The following ENTPD7 variants were observed in gnomAD, a reference collection of about 807,000 sequenced individuals.
The protein encoded by ENTPD7 is ectonucleoside triphosphate diphosphohydrolase 7.
Under a neutral mutation model 77.9 loss-of-function variants are expected in ENTPD7, and 53 were observed. That is an observed-to-expected ratio of 0.68 (90% CI 0.55 to 0.85). The LOEUF is 0.85. Among genes scored for constraint, ENTPD7 ranks in the 40% least tolerant of loss-of-function variants. ENTPD7 has a pLI of 0.00. For synonymous variants in ENTPD7, 248 were observed against 274.9 expected (o/e 0.90, Z 0.97); for missense variants, 636 against 743.7 (o/e 0.86, Z 1.68).
At chr10:99,672,869 T>C (rs1440521715) in intron 3 of ENTPD7, among the ~76,000 whole-genome samples, 2 of 152,214 alleles carry the variant, frequency 1.3e-5, no homozygotes, top group Non-Finnish European at 2.9e-5. Context: ...AATTGACTTT[T>C]GGCCCATCAC....
Position 99,708,442 on chromosome 10 carries a change from ATTCTAG to A in ENTPD7, c.*3764_*3769del, listed in dbSNP as rs2036293969. Among the ~76,000 whole-genome samples, 1 of 152,190 alleles carries A rather than the reference ATTCTAG, an allele frequency of 6.6e-6. No individual in the cohort carries two copies. The highest frequency in any genetic ancestry group is 1.5e-5 in the Non-Finnish European group (1 of 68,036). On this transcript the variant is annotated 3_prime_UTR_variant, in exon 13 of 13. Coordinates refer to ENST00000370489, the MANE Select transcript of ENTPD7 (RefSeq NM_020354.5). ...TAGGCTTAACGAATAGCAGACCTGGATTCTAGTTCTGGCTTTGTCATTTACTAGCTC... is the reference window on the plus strand; with the variant it reads ...TAGGCTTAACGAATAGCAGACCTGGATTCTGGCTTTGTCATTTACTAGCTC...
rs973279088 is a variant in ENTPD7, at chr10:99,702,237, A to G, written c.1422-275A>G. ...TTTTGAAGCTAATCCCAAACATCCT[A>G]TAATTACATTTGTAGATATTTTAAT... On this transcript the variant is annotated intron_variant, in intron 11 of 12. Transcript: ENST00000370489. 2.6e-5 allele frequency among the ~76,000 whole-genome samples: 4 copies of G among 152,130 alleles called. No individual in the cohort carries two copies. In the South Asian group the frequency reaches 8.3e-4, roughly 32 times the overall value.
intron 2 of ENTPD7, 84 bp from the exon 3 acceptor site, chr10:99,661,362 G>A: frequency 8.0e-7 from 1 of 1,247,352 alleles, no homozygotes; most frequent in African/African-American, 1.5e-5. Flanking sequence ...CCTTTATTAG[G>A]AGGGTTTTAT....
chr10:99,679,240 T>A (rs2035721306), intron 3 of ENTPD7, 21 bp from the exon 4 acceptor site: 1 of 1,613,344 alleles, frequency 6.2e-7, no homozygotes, highest in East Asian at 2.2e-5. Flanking sequence ...TAGCACTGAT[T>A]TCTCTTTTTG....
At chr10:99,667,771 C>A (rs1415429335) in intron 3 of ENTPD7, among the ~76,000 whole-genome samples, 6 of 152,048 alleles carry the variant, frequency 3.9e-5, no homozygotes, top group African/African-American at 1.5e-4. Flanking sequence ...TTATATCTGG[C>A]ATCTTGACAG....
At chr10:99,689,003 A>G (rs1170991296) in intron 7 of ENTPD7, among the ~76,000 whole-genome samples, 2 of 152,094 alleles carry the variant, frequency 1.3e-5, no homozygotes, top group Admixed American at 1.3e-4. Flanking sequence ...ATATTTACTA[A>G]TGTTTTGCCA....
intron 7 of ENTPD7, among the ~76,000 whole-genome samples, chr10:99,690,173 T>C (rs2133476771): frequency 6.6e-6 from 1 of 152,324 alleles, no homozygotes; most frequent in East Asian, 1.9e-4. Context: ...GGTACAGCAA[T>C]GTATTCCAGG....
rs1043813680 is a variant in ENTPD7 at position 99,660,080 on chromosome 10, G to C, written c.8+116G>C. On this transcript the variant is annotated intron_variant, in intron 2 of 12. Transcript: ENST00000370489. ...TGCCCTGGAGCTGCACTTGGACTTT[G>C]TATTCTGGTTAGTTGGATGCAGAGA... 5 of 1,494,166 alleles carry C rather than the reference G, an allele frequency of 3.3e-6. No individual in the cohort carries two copies. The African/African-American group carries it at 6.9e-5, about 21-fold the overall frequency. 92.6% of individuals were successfully genotyped at this position (1,494,166 alleles called of 1,614,324 possible). A position where few individuals can be genotyped will look rare whatever the true frequency, so the allele number is the denominator to read the frequency against.
chr10:99,683,577 C>T lies in ENTPD7; in HGVS notation c.549-2215C>T, dbSNP rs181582401. Among the ~76,000 whole-genome samples the T allele has an allele frequency of 1.3e-3, 198 of 152,258 alleles. 2 individuals are homozygous for T. Among genetic ancestry groups the T allele is most frequent in the African/African-American group, 4.5e-3 (187 of 41,558 alleles). On this transcript the variant is annotated intron_variant, in intron 5 of 12. Coordinates refer to ENST00000370489, the MANE Select transcript of ENTPD7 (RefSeq NM_020354.5). ...CCAGCTTTAACAATTATCAACATTTCGCCATTTTAAAAGCATTTTAAATAA... is the reference window on the plus strand; with the variant it reads ...CCAGCTTTAACAATTATCAACATTTTGCCATTTTAAAAGCATTTTAAATAA...
chr10:99,700,240 T>C (rs1003143270), intron 10 of ENTPD7, among the ~76,000 whole-genome samples: 7 of 152,132 alleles, frequency 4.6e-5, no homozygotes, highest in Non-Finnish European at 4.4e-5. Context: ...GTAAAAGCGA[T>C]TTTTTTCCCT....
At chr10:99,671,874 A>G (rs116511857) in intron 3 of ENTPD7, among the ~76,000 whole-genome samples, 122 of 152,318 alleles carry the variant, frequency 8.0e-4, no homozygotes, top group African/African-American at 2.8e-3. Flanking sequence ...TGTGTCAGCA[A>G]TTGGCTTGGT....
chr10:99,687,037 C>T (rs1366113433), intron 6 of ENTPD7, among the ~76,000 whole-genome samples: 1 of 151,026 alleles, frequency 6.6e-6, no homozygotes. Context: ...CCTGCCTCAG[C>T]CTCCCAAGTA....
rs563679914 is a variant in ENTPD7, at chr10:99,688,878, C to T, written c.709+128C>T. The T allele has an allele frequency of 8.7e-4, 727 of 840,102 alleles. 2 individuals are homozygous for T. Among genetic ancestry groups the T allele is most frequent in the Non-Finnish European group, 1.2e-3 (643 of 521,064 alleles). The allele number at this position is 840,102 out of a possible 1,614,324, so 52.0% of individuals were successfully genotyped here. A position where few individuals can be genotyped will look rare whatever the true frequency, so the allele number is the denominator to read the frequency against. ...TTTCAAACATAAGATGCTTCATTTT[C>T]CAGTCCTAATTTGCTTTCTTTGATT... is the stretch of plus-strand genomic sequence containing the variant. On this transcript the variant is annotated intron_variant, in intron 7 of 12. Transcript: ENST00000370489.
In ENTPD7 at chr10:99,705,731, C is replaced by T. The variant is rs1476490382; in HGVS notation, c.*1048C>T. The stretch of plus-strand genomic sequence containing the variant: ...AATAGAAGTTTCTCAATTTATGACT[C>T]TTGGAATGTCTGAAAGGGAGCAAAT... On this transcript the variant is annotated 3_prime_UTR_variant, in exon 13 of 13. Coordinates refer to ENST00000370489, the MANE Select transcript of ENTPD7 (RefSeq NM_020354.5). The T allele has an allele frequency of 3.9e-5, 6 of 152,164 alleles. No individual in the cohort carries two copies. Among genetic ancestry groups the T allele is most frequent in the African/African-American group, 1.4e-4 (6 of 41,434 alleles). 9.4% of individuals were successfully genotyped at this position (152,164 alleles called of 1,614,324 possible). A position where few individuals can be genotyped will look rare whatever the true frequency, so the allele number is the denominator to read the frequency against.
At chr10:99,660,449 TA>T (rs1260879725) in intron 2 of ENTPD7, 1 of 948,316 alleles carries the variant, frequency 1.1e-6, no homozygotes, top group Non-Finnish European at 1.5e-6. Flanking sequence ...GGGAAAGTTA[TA>T]AAATAAAGTG....
At chr10:99,703,917 G>C (rs1363071371) in intron 12 of ENTPD7, among the ~76,000 whole-genome samples, 2 of 152,074 alleles carry the variant, frequency 1.3e-5, no homozygotes, top group East Asian at 3.9e-4. Context: ...GCAGAGATGG[G>C]GTCTTGTTAT....
chr10:99,710,981 G>T lies in ENTPD7; in HGVS notation c.*6298G>T. 1 of 985,188 alleles carries T rather than the reference G, an allele frequency of 1.0e-6. No homozygotes were observed. The highest frequency in any genetic ancestry group is 1.2e-6 in the Non-Finnish European group (1 of 829,774). 61.0% of individuals were successfully genotyped at this position (985,188 alleles called of 1,614,324 possible). On this transcript the variant is annotated 3_prime_UTR_variant, in exon 13 of 13. Coordinates refer to ENST00000370489, the MANE Select transcript of ENTPD7 (RefSeq NM_020354.5). ...CTATTTAATCCTATAGGTATGTGAT[G>T]ACTTGTTTTTTTGGAAAAAGGTATT...
In ENTPD7 at chr10:99,665,619, C is replaced by T. The variant is rs11190228; in HGVS notation, c.191+3991C>T. On this transcript the variant is annotated intron_variant, in intron 3 of 12. Coordinates refer to ENST00000370489, the MANE Select transcript of ENTPD7 (RefSeq NM_020354.5). ...ATACAGAGACTTTGGTACATTTTCT[C>T]AAGAAGCTTATGTTTTCAGCCTTGC... Among the ~76,000 whole-genome samples the T allele has an allele frequency of 3.3e-3, 496 of 152,264 alleles. 3 individuals carry two copies. The highest frequency in any genetic ancestry group is 0.011 in the African/African-American group (474 of 41,570).
chr10:99,690,081 GT>G (rs2035861080), intron 7 of ENTPD7, among the ~76,000 whole-genome samples: 1 of 152,188 alleles, frequency 6.6e-6, no homozygotes, highest in African/African-American at 2.4e-5. Flanking sequence ...CACATTATTA[GT>G]ATTTTAAGGA....
Sources: gnomAD v4.1 joint callset for allele counts (sites outside exome capture counted in the v4.1 genomes callset) on GRCh38, gnomAD v4.1.1 for gene constraint, MANE v1.5 for transcripts, NCBI Gene and HGNC (gene_info 2026-07-23, HGNC 2026-07-21) for gene names.